SPAG16: variants seen among roughly 807,000 people sequenced by gnomAD.
SPAG16 encodes sperm associated antigen 16, also known as sperm-associated antigen 16 protein.
Under a neutral mutation model 80.4 loss-of-function variants are expected in SPAG16, and 86 were observed. The ratio of observed to expected loss-of-function variants is 1.07; its 90% CI spans 0.90 to 1.28. The LOEUF (loss-of-function observed/expected upper bound fraction) is 1.28, where lower values mean the gene tolerates loss of function less well. Ranked by LOEUF, SPAG16 falls within the 50% of genes most tolerant of loss-of-function variation. SPAG16 has a pLI of 0.00. For synonymous variants in SPAG16, 294 were observed against 265.9 expected, an observed-to-expected ratio of 1.11 and a Z score of -1.03; for missense variants, 870 against 765.3, an observed-to-expected ratio of 1.14 and a Z score of -1.61.
chr2:213,699,423 G>C (rs1021049705), intron 10 of SPAG16, among the ~76,000 whole-genome samples: 3 of 152,082 alleles, frequency 2.0e-5, no homozygotes, highest in Non-Finnish European at 4.4e-5. Context: ...CTAGTGGCAG[G>C]CCTGCAGGCC....
intron 10 of SPAG16, among the ~76,000 whole-genome samples, chr2:213,510,102 T>C (rs2075162972): frequency 6.6e-6 from 1 of 152,176 alleles, no homozygotes; most frequent in Non-Finnish European, 1.5e-5. Flanking sequence ...TTATCCTGGA[T>C]AAATGATTTT....
chr2:214,321,581 C>T (rs981306907), intron 15 of SPAG16, among the ~76,000 whole-genome samples: 2 of 152,108 alleles, frequency 1.3e-5, no homozygotes, highest in East Asian at 3.9e-4. Flanking sequence ...CTTAAAGTTA[C>T]TATATAGTCA....
intron 10 of SPAG16, among the ~76,000 whole-genome samples, chr2:213,837,727 C>A (rs542366750): frequency 6.6e-6 from 1 of 152,186 alleles, no homozygotes; most frequent in East Asian, 1.9e-4. Flanking sequence ...TTGGTAGATG[C>A]GATTAAGTTG....
At chr2:213,364,009 T>G in intron 7 of SPAG16, 67 bp from the exon 8 acceptor site, 1 of 604,990 alleles carries the variant, frequency 1.7e-6, no homozygotes, top group Non-Finnish European at 2.6e-6. Flanking sequence ...TTAAATATTG[T>G]GTTTTATGTA....
Position 214,214,185 on chromosome 2 carries a change from CT to C in SPAG16, c.1720+64932del, listed in dbSNP as rs71399124. Reference sequence around the variant, plus strand: ...ATATCCTTCCCAACCTTCCTTTTTACTTTTTTTTTTTTTGAGACAGAGTCAC... The same window carrying C: ...ATATCCTTCCCAACCTTCCTTTTTACTTTTTTTTTTTTGAGACAGAGTCAC... On this transcript the variant is annotated intron_variant, in intron 15 of 15. Transcript: ENST00000331683. Among the ~76,000 whole-genome samples the C allele has an allele frequency of 1.5e-3, 209 of 139,934 alleles. No individual in the cohort carries two copies. The East Asian group carries it at 0.019, about 12-fold the overall frequency. The allele number at this position is 139,934 out of a possible 152,430, so 91.8% of individuals were successfully genotyped here.
rs1322136871 is a variant in SPAG16, at chr2:213,926,624, A to AT, written c.1215-3329dup. On this transcript the variant is annotated intron_variant, in intron 11 of 15. Transcript: ENST00000331683. ...TTATTTTTAAAATTTCTAAATATAT[A>AT]TTTTTTTCAGATTTGCAGATTCATG... Among the ~76,000 whole-genome samples the AT allele has an allele frequency of 3.3e-5, 5 of 151,676 alleles. No individual in the cohort carries two copies. The South Asian group carries it at 8.3e-4, about 25-fold the overall frequency.
Position 214,353,258 on chromosome 2 carries a change from T to G in SPAG16, c.1721-56882T>G, listed in dbSNP as rs139864968. ...TCAAGCTGATTAATTCAACATTTCT[T>G]AAGTTTACTACTAAATATATATAAA... On this transcript the variant is annotated intron_variant, in intron 15 of 15. Transcript: ENST00000331683. 1.8e-3 allele frequency among the ~76,000 whole-genome samples: 268 copies of G among 152,154 alleles called. 2 individuals are homozygous for G. The highest frequency in any genetic ancestry group is 6.3e-3 in the African/African-American group (260 of 41,540).
intron 9 of SPAG16, among the ~76,000 whole-genome samples, chr2:213,446,962 A>G (rs1393343760): frequency 6.6e-6 from 1 of 152,166 alleles, no homozygotes; most frequent in African/African-American, 2.4e-5. Flanking sequence ...TTTAAGACAA[A>G]TGAAAGGGGG....
At chr2:214,261,193 C>T (rs1002914582) in intron 15 of SPAG16, among the ~76,000 whole-genome samples, 1 of 149,822 alleles carries the variant, frequency 6.7e-6, no homozygotes, top group Non-Finnish European at 1.5e-5. Flanking sequence ...CCTGAAACTC[C>T]CTCAGGACTG....
intron 10 of SPAG16, among the ~76,000 whole-genome samples, chr2:213,669,539 T>A (rs995613487): frequency 6.6e-6 from 1 of 152,230 alleles, no homozygotes; most frequent in Non-Finnish European, 1.5e-5. Flanking sequence ...ACTCAACAGA[T>A]GTTTTGCTAA....
chr2:213,796,797 A>C (rs974434291), intron 10 of SPAG16, among the ~76,000 whole-genome samples: 2 of 152,136 alleles, frequency 1.3e-5, no homozygotes, highest in Admixed American at 6.5e-5. Context: ...ATTATTTATT[A>C]TTATTTTAAG....
intron 10 of SPAG16, among the ~76,000 whole-genome samples, chr2:213,703,675 A>G (rs1026362009): frequency 1.3e-5 from 2 of 152,166 alleles, no homozygotes; most frequent in Non-Finnish European, 2.9e-5. Flanking sequence ...TGAACTTCGC[A>G]AGTCCATCTC....
intron 10 of SPAG16, among the ~76,000 whole-genome samples, chr2:213,742,321 G>T (rs1009721388): frequency 6.6e-6 from 1 of 151,906 alleles, no homozygotes; most frequent in Non-Finnish European, 1.5e-5. Context: ...AAGAATACAA[G>T]GACATTAGTA....
intron 10 of SPAG16, among the ~76,000 whole-genome samples, chr2:213,600,041 G>A (rs1247786877): frequency 1.3e-5 from 2 of 152,184 alleles, no homozygotes; most frequent in Non-Finnish European, 2.9e-5. Flanking sequence ...CTGCTGTGTA[G>A]GAATTGGCAC....
chr2:213,933,773 G>A (rs573027509), intron 12 of SPAG16, among the ~76,000 whole-genome samples: 3 of 152,272 alleles, frequency 2.0e-5, no homozygotes, highest in East Asian at 1.9e-4. Context: ...TAATTACATG[G>A]GAAGAGGAAA....
chr2:213,492,656 A>G (rs796214482), intron 10 of SPAG16, among the ~76,000 whole-genome samples: 1 of 150,454 alleles, frequency 6.6e-6, no homozygotes, highest in Non-Finnish European at 1.5e-5. Flanking sequence ...TGACCCAATT[A>G]TATACTTTTT....
chr2:213,689,920 T>C (rs1008293818), intron 10 of SPAG16, among the ~76,000 whole-genome samples: 1 of 152,224 alleles, frequency 6.6e-6, no homozygotes, highest in African/African-American at 2.4e-5. Context: ...TTCTCCTTTA[T>C]ACTTCTTCCA....
intron 10 of SPAG16, among the ~76,000 whole-genome samples, chr2:213,754,088 A>C (rs1406267607): frequency 1.3e-5 from 2 of 152,164 alleles, no homozygotes; most frequent in African/African-American, 4.8e-5. Context: ...GTCAAAAACT[A>C]AGATAATTAG....
intron 10 of SPAG16, among the ~76,000 whole-genome samples, chr2:213,798,705 C>G (rs1199585546): frequency 1.3e-5 from 2 of 152,102 alleles, no homozygotes; most frequent in Admixed American, 1.3e-4. Flanking sequence ...TGTTTTATAA[C>G]CTTACCTCTT....
Sources: gnomAD v4.1 joint callset for allele counts (sites outside exome capture counted in the v4.1 genomes callset) on GRCh38, gnomAD v4.1.1 for gene constraint, MANE v1.5 for transcripts, NCBI Gene and HGNC (gene_info 2026-07-23, HGNC 2026-07-21) for gene names.